The following B4GALT1 variants were observed in gnomAD, a reference collection of about 807,000 sequenced individuals.
B4GALT1 encodes the protein beta-1,4-galactosyltransferase 1, also known as N-acetyllactosamine synthase.
In B4GALT1, 16 loss-of-function variants were observed where a neutral mutation model predicts 34.9. That is an observed-to-expected ratio of 0.46 (90% CI 0.31 to 0.70). B4GALT1 has a LOEUF of 0.70. Among genes scored for constraint, B4GALT1 ranks in the 30% least tolerant of loss-of-function variants. The probability of loss-of-function intolerance (pLI) is 0.05; values close to 1 mark genes in which losing one functional copy is unlikely to be tolerated. For missense variants in B4GALT1, 445 were observed against 530.5 expected (o/e 0.84, Z 1.58); for synonymous variants, 221 against 218.1 (o/e 1.01, Z -0.12).
intron 2 of B4GALT1, among the ~76,000 whole-genome samples, chr9:33,124,341 A>T (rs1306502194): frequency 6.6e-6 from 1 of 152,160 alleles, no homozygotes; most frequent in Non-Finnish European, 1.5e-5. Flanking sequence ...CAAATACACC[A>T]CAGTGACAGA....
downstream of B4GALT1, among the ~76,000 whole-genome samples, chr9:33,109,738 C>T (rs1433637062): frequency 1.3e-5 from 2 of 152,178 alleles, no homozygotes; most frequent in Non-Finnish European, 2.9e-5. Flanking sequence ...CTGTGGGATC[C>T]GTTGCTATCT....
chr9:33,174,503 G>A, the B4GALT1 span, among the ~76,000 whole-genome samples: 6 of 151,972 alleles, frequency 3.9e-5, no homozygotes, highest in African/African-American at 1.5e-4. Context: ...ACAAAAATTA[G>A]CTGGGCATGG....
At chr9:33,105,233 A>G (rs1839787295) in intron 2 of B4GALT1, among the ~76,000 whole-genome samples, 2 of 149,418 alleles carry the variant, frequency 1.3e-5, no homozygotes, top group Admixed American at 6.7e-5. Flanking sequence ...TCCGCCTTCC[A>G]GGTTCAAGAG....
chr9:33,146,795 G>GCAAGCCT (rs1840432159), intron 1 of B4GALT1, among the ~76,000 whole-genome samples: 1 of 151,902 alleles, frequency 6.6e-6, no homozygotes, highest in Admixed American at 6.6e-5. Flanking sequence ...CTGGGTTCAA[G>GCAAGCCT]TGATTCTCTT....
At position 33,113,832 on chromosome 9, in the gene B4GALT1, C is replaced by T. The variant is rs771168122; in HGVS notation, c.1006G>A (p.Gly336Arg). ...GAGTGGCGGATCATGCGACACCTCCCGACCACAGCATTTGGGCGAGATATA... is the reference window on the plus strand; with the variant it reads ...GAGTGGCGGATCATGCGACACCTCCTGACCACAGCATTTGGGCGAGATATA... ...MSISRPNAVV[G>R]RCRMIRHSRD... Residue 336 changes from glycine to arginine, a missense_variant, in exon 5 of 6, where the codon GGG (glycine) becomes AGG (arginine). Transcript: ENST00000379731. 2.5e-6 allele frequency: 4 copies of T among 1,614,038 alleles called. No individual in the cohort carries two copies. The African/African-American group carries it at 4.0e-5, about 16-fold the overall frequency.
intron 2 of B4GALT1, among the ~76,000 whole-genome samples, chr9:33,128,473 T>G (rs1840144989): frequency 6.6e-6 from 1 of 151,942 alleles, no homozygotes; most frequent in Admixed American, 6.6e-5. Flanking sequence ...ACCAGCAAAT[T>G]GAGTCCCCAG....
chr9:33,139,117 T>C (rs1840311604), intron 1 of B4GALT1, among the ~76,000 whole-genome samples: 1 of 152,186 alleles, frequency 6.6e-6, no homozygotes, highest in South Asian at 2.1e-4. Context: ...GTGATATGTA[T>C]CAAGACCACT....
At chr9:33,166,621 TG>T (rs1408634148) in intron 1 of B4GALT1, 136 bp downstream of exon 1, 10 of 1,107,114 alleles carry the variant, frequency 9.0e-6, no homozygotes, top group Non-Finnish European at 1.2e-5. Flanking sequence ...AGCCTCTGTC[TG>T]GGATTTAAAA....
intron 2 of B4GALT1, among the ~76,000 whole-genome samples, chr9:33,132,283 G>A (rs1840204533): frequency 6.6e-6 from 1 of 152,156 alleles, no homozygotes; most frequent in Non-Finnish European, 1.5e-5. Context: ...AAGCAGGGAG[G>A]CAGCTGGGAG....
At chr9:33,164,009 G>A (rs778009360) in intron 1 of B4GALT1, among the ~76,000 whole-genome samples, 1 of 152,144 alleles carries the variant, frequency 6.6e-6, no homozygotes, top group Non-Finnish European at 1.5e-5. Flanking sequence ...ACTAACCCAA[G>A]TCTATCTGAA....
At chr9:33,179,091 A>T in the B4GALT1 span, 2 of 152,264 alleles carry the variant, frequency 1.3e-5, no homozygotes, top group African/African-American at 2.4e-5. Flanking sequence ...ACTTCCACCC[A>T]CATTCTATGA....
the B4GALT1 span, among the ~76,000 whole-genome samples, chr9:33,182,180 C>A: frequency 1.3e-5 from 2 of 152,296 alleles, no homozygotes; most frequent in South Asian, 4.1e-4. Flanking sequence ...CCATCCTTGG[C>A]ATTCCTTGGC....
the B4GALT1 span, among the ~76,000 whole-genome samples, chr9:33,175,838 C>T: frequency 7.2e-5 from 11 of 152,116 alleles, no homozygotes; most frequent in Non-Finnish European, 1.0e-4. Flanking sequence ...AATTGACTAT[C>T]GACACATTTC....
chr9:33,120,338 C>A, intron 3 of B4GALT1, 81 bp downstream of exon 3: 1 of 1,528,384 alleles, frequency 6.5e-7, no homozygotes, highest in Non-Finnish European at 9.1e-7. Context: ...AAGAGGCACT[C>A]TTGAGCTGCC....
chr9:33,117,631 C>T (rs943078566), intron 3 of B4GALT1, among the ~76,000 whole-genome samples: 3 of 152,154 alleles, frequency 2.0e-5, no homozygotes, highest in Non-Finnish European at 4.4e-5. Flanking sequence ...GTCAGCCAAA[C>T]CATACAGAAC....
intron 1 of B4GALT1, among the ~76,000 whole-genome samples, chr9:33,153,537 C>A (rs1305312603): frequency 6.6e-6 from 1 of 152,066 alleles, no homozygotes; most frequent in Non-Finnish European, 1.5e-5. Context: ...GGGACTATCC[C>A]TACACCAACT....
intron 2 of B4GALT1, among the ~76,000 whole-genome samples, chr9:33,126,633 T>C (rs904719879): frequency 6.6e-6 from 1 of 152,222 alleles, no homozygotes; most frequent in Non-Finnish European, 1.5e-5. Context: ...TAACCATTGT[T>C]AACATTGTTA....
At chr9:33,127,138 T>C (rs1425028279) in intron 2 of B4GALT1, among the ~76,000 whole-genome samples, 2 of 152,132 alleles carry the variant, frequency 1.3e-5, no homozygotes, top group Non-Finnish European at 1.5e-5. Context: ...TAATTTTTTG[T>C]ATTTTTAGTA....
At position 33,135,294 on chromosome 9, in the gene B4GALT1, G is replaced by A. The variant is rs966499311; in HGVS notation, c.543C>T (p.Ile181=). ...GCTCCTGCCGGTTGCGGAATGGAAT[G>A]ATGATGGCCACCTTGTGAGGAGAGA... The part of the protein sequence containing the change: ...DCVSPHKVAI[I]IPFRNRQEHL... Residue 181 remains isoleucine, a synonymous_variant, in exon 2 of 6, where the codon ATC becomes ATT. Coordinates refer to ENST00000379731, the MANE Select transcript of B4GALT1 (RefSeq NM_001497.4). The A allele has an allele frequency of 1.6e-5, 26 of 1,614,216 alleles. No homozygotes were observed. Among genetic ancestry groups the A allele is most frequent in the Non-Finnish European group, 2.2e-5 (26 of 1,180,040 alleles).
Sources: gnomAD v4.1 joint callset for allele counts (sites outside exome capture counted in the v4.1 genomes callset) on GRCh38, gnomAD v4.1.1 for gene constraint, MANE v1.5 for transcripts, NCBI Gene and HGNC (gene_info 2026-07-23, HGNC 2026-07-21) for gene names.